SETBP1: variants seen among roughly 807,000 people sequenced by gnomAD.
The protein encoded by SETBP1 is SET binding protein 1, also known as SET-binding protein.
A neutral mutation model predicts 101.0 loss-of-function variants in SETBP1; 9 were observed. The ratio of observed to expected loss-of-function variants is 0.09; its 90% CI spans 0.05 to 0.16. The LOEUF (loss-of-function observed/expected upper bound fraction) is 0.16, where lower values mean the gene tolerates loss of function less well. SETBP1 is among the 10% of genes least tolerant of loss of function. The probability of loss-of-function intolerance (pLI) is 1.00; values close to 1 mark genes in which losing one functional copy is unlikely to be tolerated. For synonymous variants in SETBP1, 818 were observed against 788.5 expected, an observed-to-expected ratio of 1.04 and a Z score of -0.63; for missense variants, 1,858 against 2,033.8, an observed-to-expected ratio of 0.91 and a Z score of 1.66.
intron 4 of SETBP1, among the ~76,000 whole-genome samples, chr18:45,007,109 T>C (rs1047320483): frequency 1.3e-5 from 2 of 152,196 alleles, no homozygotes; most frequent in East Asian, 1.9e-4. Context: ...GACTCAACCA[T>C]GCTGCTAGTG....
intron 2 of SETBP1, among the ~76,000 whole-genome samples, chr18:44,777,736 T>C (rs943261677): frequency 2.6e-5 from 4 of 152,194 alleles, no homozygotes; most frequent in African/African-American, 9.7e-5. Flanking sequence ...GCCTCTGTAG[T>C]CTGATAAAAA....
chr18:44,998,240 G>A (rs931860444), intron 4 of SETBP1, among the ~76,000 whole-genome samples: 6 of 151,946 alleles, frequency 3.9e-5, no homozygotes, highest in African/African-American at 1.4e-4. Context: ...ACCCTTGACA[G>A]GAGCATTTCT....
chr18:44,866,071 C>A (rs1290741251), intron 2 of SETBP1, among the ~76,000 whole-genome samples: 1 of 152,192 alleles, frequency 6.6e-6, no homozygotes, highest in Non-Finnish European at 1.5e-5. Flanking sequence ...AGGGGTGAGA[C>A]CACTATCTCT....
chr18:44,874,896 G>A (rs2069361376), intron 3 of SETBP1, among the ~76,000 whole-genome samples: 1 of 152,198 alleles, frequency 6.6e-6, no homozygotes, highest in African/African-American at 2.4e-5. Context: ...TGACTGTGGA[G>A]TTTCTGCATA....
chr18:44,892,618 A>G (rs888018488), intron 3 of SETBP1, among the ~76,000 whole-genome samples: 4 of 152,060 alleles, frequency 2.6e-5, no homozygotes, highest in African/African-American at 9.7e-5. Context: ...TTGGCCAGGT[A>G]ATGTATTTTG....
intron 2 of SETBP1, among the ~76,000 whole-genome samples, chr18:44,719,713 C>A (rs929184090): frequency 6.6e-6 from 1 of 152,212 alleles, no homozygotes; most frequent in Non-Finnish European, 1.5e-5. Flanking sequence ...TGACAGCTGA[C>A]CTTTGCTCCC....
chr18:44,829,561 G>C (rs1290212012), intron 2 of SETBP1, among the ~76,000 whole-genome samples: 1 of 152,014 alleles, frequency 6.6e-6, no homozygotes, highest in Admixed American at 6.6e-5. Context: ...GTTCTGTTTC[G>C]GCAACATGAC....
At position 44,952,277 on chromosome 18, in the gene SETBP1, G is replaced by A. The variant is rs2145108844; in HGVS notation, c.2937G>A (p.Glu979=). Residue 979 remains glutamate, a synonymous_variant, in exon 4 of 6, where the codon GAG becomes GAA. Transcript: ENST00000649279. ...ACCGGAGTTACACCTTCTACCACGA[G>A]AATCCATATCCCAGCATTTTTCGGA... is the stretch of plus-strand genomic sequence containing the variant. ...ISHRSYTFYH[E]NPYPSIFRIN... The A allele has an allele frequency of 6.2e-7, 1 of 1,614,094 alleles. No homozygotes were observed. Among genetic ancestry groups the A allele is most frequent in the East Asian group, 2.2e-5 (1 of 44,858 alleles).
chr18:44,816,340 C>A (rs2071975848), intron 2 of SETBP1, among the ~76,000 whole-genome samples: 1 of 152,046 alleles, frequency 6.6e-6, no homozygotes, highest in South Asian at 2.1e-4. Flanking sequence ...TCAGGAAAGC[C>A]TGAGGGGCCA....
intron 4 of SETBP1, among the ~76,000 whole-genome samples, chr18:44,973,059 C>G (rs762222756): frequency 4.6e-5 from 7 of 152,122 alleles, no homozygotes; most frequent in Non-Finnish European, 7.4e-5. Flanking sequence ...CCATCAATAC[C>G]TAATTTATTG....
At chr18:44,787,472 G>A (rs1223726782) in intron 2 of SETBP1, among the ~76,000 whole-genome samples, 1 of 152,088 alleles carries the variant, frequency 6.6e-6, no homozygotes, top group Non-Finnish European at 1.5e-5. Context: ...TGAGATAGAT[G>A]AATTACTGAA....
chr18:44,878,472 G>T (rs531387851), intron 3 of SETBP1, among the ~76,000 whole-genome samples: 1 of 152,064 alleles, frequency 6.6e-6, no homozygotes, highest in Non-Finnish European at 1.5e-5. Flanking sequence ...TTTATTACTA[G>T]ATTTAGTTAC....
chr18:45,014,041 T>A (rs1165481207), intron 4 of SETBP1, among the ~76,000 whole-genome samples: 4 of 152,008 alleles, frequency 2.6e-5, no homozygotes, highest in Non-Finnish European at 2.9e-5. Context: ...AAAAAAAAAA[T>A]TCTGAATTCT....
At chr18:44,999,738 A>C (rs1405835283) in intron 4 of SETBP1, among the ~76,000 whole-genome samples, 15 of 152,172 alleles carry the variant, frequency 9.9e-5, no homozygotes, top group Admixed American at 8.5e-4. Flanking sequence ...CAGTTGATTC[A>C]ATTTTTCTGT....
intron 4 of SETBP1, among the ~76,000 whole-genome samples, chr18:44,957,935 A>G (rs763822485): frequency 6.6e-6 from 1 of 152,330 alleles, no homozygotes; most frequent in East Asian, 1.9e-4. Context: ...TCCAATTCTG[A>G]GTCCTCTTGT....
intron 2 of SETBP1, among the ~76,000 whole-genome samples, chr18:44,849,373 A>C (rs1316097046): frequency 6.6e-6 from 1 of 152,156 alleles, no homozygotes; most frequent in Non-Finnish European, 1.5e-5. Context: ...CCTATCACTA[A>C]CTAGCCTTAC....
chr18:45,051,492 A>G (rs1048428143), intron 5 of SETBP1, among the ~76,000 whole-genome samples: 2 of 152,194 alleles, frequency 1.3e-5, no homozygotes, highest in Non-Finnish European at 2.9e-5. Context: ...TGGAGGCTAT[A>G]CATGTGCTGG....
At chr18:44,809,270 A>G (rs1357306619) in intron 2 of SETBP1, among the ~76,000 whole-genome samples, 1 of 152,200 alleles carries the variant, frequency 6.6e-6, no homozygotes, top group Non-Finnish European at 1.5e-5. Context: ...AATTACATGA[A>G]TAAGCTGACC....
At chr18:44,792,510 G>A (rs1030723694) in intron 2 of SETBP1, among the ~76,000 whole-genome samples, 2 of 152,240 alleles carry the variant, frequency 1.3e-5, no homozygotes, top group Non-Finnish European at 2.9e-5. Context: ...TGGTGGTAGA[G>A]CCAGCATAGG....
Sources: allele counts gnomAD v4.1 joint callset (sites outside exome capture counted in the v4.1 genomes callset), GRCh38; gene constraint gnomAD v4.1.1; transcripts MANE v1.5; gene names NCBI Gene and HGNC (gene_info 2026-07-23, HGNC 2026-07-21).